Variants in AOPEP observed in about 807,000 individuals in gnomAD.
AOPEP encodes aminopeptidase O (putative).
AOPEP carries 77 observed loss-of-function variants against 98.1 expected under a neutral mutation model. The ratio of observed to expected loss-of-function variants is 0.78; its 90% CI spans 0.65 to 0.95. The LOEUF (loss-of-function observed/expected upper bound fraction) is 0.95. Among genes scored for constraint, AOPEP ranks in the 40% least tolerant of loss-of-function variants. The pLI is 0.00. For synonymous variants in AOPEP, 346 were observed against 365.3 expected (o/e 0.95, Z 0.60); for missense variants, 1,024 against 1,024.7 (o/e 1.00, Z 0.01).
chr9:94,789,456 G>A (rs528951627), intron 3 of AOPEP, among the ~76,000 whole-genome samples: 65 of 152,114 alleles, frequency 4.3e-4, no homozygotes, highest in African/African-American at 1.5e-3. Flanking sequence ...GTTTTTTTTA[G>A]GATTTTTTTT....
chr9:94,775,583 T>C (rs933881954), intron 3 of AOPEP, among the ~76,000 whole-genome samples: 4 of 152,070 alleles, frequency 2.6e-5, no homozygotes, highest in Non-Finnish European at 5.9e-5. Context: ...GCCAGGATGG[T>C]CTTGATCTCT....
intron 15 of AOPEP, among the ~76,000 whole-genome samples, chr9:95,081,799 C>T (rs1394362128): frequency 2.0e-5 from 3 of 152,104 alleles, no homozygotes; most frequent in Non-Finnish European, 4.4e-5. Flanking sequence ...CACTTTTGAA[C>T]CCTTAACTAC....
intron 14 of AOPEP, among the ~76,000 whole-genome samples, chr9:95,073,933 T>G (rs1443006571): frequency 6.6e-6 from 1 of 152,150 alleles, no homozygotes; most frequent in Non-Finnish European, 1.5e-5. Context: ...AAATAACACT[T>G]TGATTTCAGT....
chr9:94,907,784 T>A (rs2051386841), intron 5 of AOPEP, among the ~76,000 whole-genome samples: 1 of 152,142 alleles, frequency 6.6e-6, no homozygotes. Context: ...GGCAGCTAGC[T>A]AGCTTTGTGA....
chr9:95,082,612 G>C lies in AOPEP; in HGVS notation c.2357G>C (p.Ser786Thr), dbSNP rs1247515957. Residue 786 changes from serine to threonine, a missense_variant, in exon 16 of 17, where the codon AGT becomes ACT. By Grantham distance (58) the Ser-to-Thr change is moderately conservative (BLOSUM62 1). Around this residue, in one of 3 missense-constraint regions of AOPEP, gnomAD observed 566 missense variants for 551.7 expected, o/e 1.03. Coordinates refer to ENST00000375315, the MANE Select transcript of AOPEP (RefSeq NM_001193329.3). ...GVYLYGELMV[S>T]EDARQQQLAR... ...TACCTCTACGGGGAGCTGATGGTGA[G>C]TGAGGACGCCAGACAGCAGCAGCTC... 6.2e-7 allele frequency: 1 copy of C among 1,614,242 alleles called. No individual in the cohort carries two copies.
chr9:94,782,728 G>T (rs368053975), intron 3 of AOPEP, among the ~76,000 whole-genome samples: 1 of 152,184 alleles, frequency 6.6e-6, no homozygotes, highest in Non-Finnish European at 1.5e-5. Flanking sequence ...TTTATTCCAC[G>T]CCAGTACACA....
At chr9:95,076,897 C>T (rs1404388736) in intron 14 of AOPEP, among the ~76,000 whole-genome samples, 2 of 152,226 alleles carry the variant, frequency 1.3e-5, no homozygotes, top group Non-Finnish European at 2.9e-5. Flanking sequence ...TTACATTTTT[C>T]TCCCATCCCT....
chr9:95,045,260 C>G (rs982605837), intron 13 of AOPEP, among the ~76,000 whole-genome samples: 2 of 152,200 alleles, frequency 1.3e-5, no homozygotes, highest in Non-Finnish European at 2.9e-5. Context: ...CGGGCGGACC[C>G]GTGTCCCGGC....
intron 10 of AOPEP, among the ~76,000 whole-genome samples, chr9:94,978,544 T>C (rs527805598): frequency 1.4e-4 from 21 of 152,194 alleles, no homozygotes; most frequent in Non-Finnish European, 2.5e-4. Flanking sequence ...TGACAGATGT[T>C]ATGGCACTGG....
At chr9:94,779,102 G>C (rs1209507003) in intron 3 of AOPEP, among the ~76,000 whole-genome samples, 2 of 152,162 alleles carry the variant, frequency 1.3e-5, no homozygotes, top group Non-Finnish European at 2.9e-5. Flanking sequence ...GGATTAAAGG[G>C]GTTGGCAGAT....
chr9:95,086,169 G>A (rs1305807962), intron 16 of AOPEP: 3 of 1,329,940 alleles, frequency 2.3e-6, no homozygotes, highest in Non-Finnish European at 3.0e-6. Context: ...GCGGCAGACA[G>A]GCCCGCGTCC....
At chr9:95,022,833 C>A (rs1481288320) in intron 13 of AOPEP, among the ~76,000 whole-genome samples, 1 of 152,140 alleles carries the variant, frequency 6.6e-6, no homozygotes, top group Admixed American at 6.5e-5. Flanking sequence ...AACATTTCCC[C>A]CCTTGCCCAG....
chr9:95,071,999 C>G (rs1240141554), intron 14 of AOPEP, among the ~76,000 whole-genome samples: 1 of 152,114 alleles, frequency 6.6e-6, no homozygotes, highest in East Asian at 1.9e-4. Context: ...TGGCCCAAAC[C>G]CACTCGGGCC....
chr9:95,053,507 G>A (rs1289606206), intron 13 of AOPEP, among the ~76,000 whole-genome samples: 3 of 151,930 alleles, frequency 2.0e-5, no homozygotes, highest in Admixed American at 1.3e-4. Context: ...TCAACCAACC[G>A]TTTTTTTACA....
At chr9:95,092,878 GAC>G in the AOPEP span, among the ~76,000 whole-genome samples, 3 of 152,284 alleles carry the variant, frequency 2.0e-5, 1 homozygote, top group South Asian at 4.1e-4. Context: ...CTGTGGCTAA[GAC>G]ACCACACTCT....
intron 3 of AOPEP, among the ~76,000 whole-genome samples, chr9:94,783,169 T>G (rs1245842361): frequency 6.6e-6 from 1 of 152,194 alleles, no homozygotes; most frequent in Non-Finnish European, 1.5e-5. Context: ...TGGGGCATAT[T>G]CCTTTAGGTA....
chr9:94,771,698 C>G (rs1225297838), intron 2 of AOPEP, among the ~76,000 whole-genome samples: 1 of 151,866 alleles, frequency 6.6e-6, no homozygotes, highest in Non-Finnish European at 1.5e-5. Flanking sequence ...TTCCTTTGGC[C>G]CCTTCAGTGT....
chr9:94,728,588 C>A lies in AOPEP; in HGVS notation c.-136+1837C>A, dbSNP rs1423623779. ...TGTGGACTTAAGGGAGGGTTTTGTT[C>A]ATTTGTGGGTTTTTCCTGTAAGAAG... On this transcript the variant is annotated intron_variant, in intron 1 of 16. Coordinates refer to ENST00000375315, the MANE Select transcript of AOPEP (RefSeq NM_001193329.3). Among the ~76,000 whole-genome samples, 6 of 151,996 alleles carry A rather than the reference C, an allele frequency of 3.9e-5. 1 individual carries two copies. The highest frequency in any genetic ancestry group is 1.5e-4 in the African/African-American group (6 of 41,356).
chr9:94,931,746 T>C, intron 7 of AOPEP: 1 of 1,550,542 alleles, frequency 6.4e-7, no homozygotes, highest in Middle Eastern at 1.7e-4. Context: ...CAGTGGAAGC[T>C]TCTCTTGAGA....
Sources: allele counts gnomAD v4.1 joint callset (sites outside exome capture counted in the v4.1 genomes callset), GRCh38; gene constraint gnomAD v4.1.1; regional missense constraint gnomAD v4.1.1; transcripts MANE v1.5; gene names NCBI Gene and HGNC (gene_info 2026-07-23, HGNC 2026-07-21).